RBFOX3: variants seen among roughly 807,000 people sequenced by gnomAD.
The protein encoded by RBFOX3 is RNA binding protein fox-1 homolog 3.
RBFOX3 carries 17 observed loss-of-function variants against 48.7 expected under a neutral mutation model. The ratio of observed to expected loss-of-function variants is 0.35; its 90% CI spans 0.24 to 0.52. The LOEUF (loss-of-function observed/expected upper bound fraction) is 0.52, where lower values mean the gene tolerates loss of function less well. RBFOX3 is among the 20% of genes least tolerant of loss of function. The probability of loss-of-function intolerance (pLI) is 0.94; values close to 1 mark genes in which losing one functional copy is unlikely to be tolerated. For missense variants in RBFOX3, 382 were observed against 497.5 expected, an observed-to-expected ratio of 0.77 and a Z score of 2.21; for synonymous variants, 212 against 209.5, an observed-to-expected ratio of 1.01 and a Z score of -0.10.
chr17:79,361,465 G>A lies in RBFOX3; in HGVS notation c.-174-53641C>T, dbSNP rs1324723761. On this transcript the variant is annotated intron_variant, in intron 2 of 14. Coordinates refer to ENST00000693108, the MANE Select transcript of RBFOX3 (RefSeq NM_001350451.2). This position sits in a 1 kb window ranked among gnomAD's most constrained non-coding sequence, Gnocchi z 4.5. ...TGGCCCTTGGTTACTGGAGTCACCA[G>A]GACCTGCAGCACCTTGCCAACACCC... Among the ~76,000 whole-genome samples, 1 of 152,198 alleles carries A rather than the reference G, an allele frequency of 6.6e-6. No individual in the cohort carries two copies. The highest frequency in any genetic ancestry group is 1.5e-5 in the Non-Finnish European group (1 of 68,032).
the RBFOX3 span, among the ~76,000 whole-genome samples, chr17:79,618,313 G>A: frequency 5.3e-5 from 8 of 152,312 alleles, no homozygotes; most frequent in Admixed American, 2.0e-4. Flanking sequence ...GGGCCCACAG[G>A]TTCTTCCCCG....
the RBFOX3 span, among the ~76,000 whole-genome samples, chr17:79,617,739 C>T: frequency 6.6e-6 from 1 of 152,242 alleles, no homozygotes; most frequent in East Asian, 1.9e-4. Context: ...GAAGTCATCC[C>T]CGCATTTTGA....
At chr17:79,628,158 G>C in the RBFOX3 span, among the ~76,000 whole-genome samples, 1 of 151,798 alleles carries the variant, frequency 6.6e-6, no homozygotes, top group Non-Finnish European at 1.5e-5. Context: ...ACAAACAGGT[G>C]TGCTGATCTA....
intron 2 of RBFOX3, among the ~76,000 whole-genome samples, chr17:79,436,399 T>A (rs2069463885): frequency 6.6e-6 from 1 of 152,114 alleles, no homozygotes; most frequent in South Asian, 2.1e-4. Flanking sequence ...ATGAGTACGG[T>A]TGAAGCAGAG....
intron 4 of RBFOX3, among the ~76,000 whole-genome samples, chr17:79,149,749 A>C (rs1161558125): frequency 6.6e-6 from 1 of 151,042 alleles, no homozygotes; most frequent in Non-Finnish European, 1.5e-5. Context: ...CAGTAAACGG[A>C]CCTGCAGGTC....
At chr17:79,227,290 G>A (rs900501326) in intron 4 of RBFOX3, among the ~76,000 whole-genome samples, 1 of 152,226 alleles carries the variant, frequency 6.6e-6, no homozygotes, top group African/African-American at 2.4e-5. Context: ...ATCCACAGAG[G>A]CAGGTTGGGC....
intron 4 of RBFOX3, among the ~76,000 whole-genome samples, chr17:79,148,602 A>G (rs914056159): frequency 6.6e-6 from 1 of 152,252 alleles, no homozygotes; most frequent in African/African-American, 2.4e-5. Flanking sequence ...TCTTCAACTG[A>G]GGCTAACAGT....
intron 1 of RBFOX3, among the ~76,000 whole-genome samples, chr17:79,518,561 G>A (rs2085590398): frequency 6.6e-6 from 1 of 152,260 alleles, no homozygotes; most frequent in Admixed American, 6.5e-5. Context: ...TGAAGGCTGG[G>A]GGAGCTGGGG....
intron 4 of RBFOX3, among the ~76,000 whole-genome samples, chr17:79,216,143 T>C (rs1422606388): frequency 1.3e-5 from 2 of 152,230 alleles, no homozygotes; most frequent in African/African-American, 2.4e-5. Flanking sequence ...ACAGTTGGGT[T>C]GGTGACCTGG....
intron 4 of RBFOX3, among the ~76,000 whole-genome samples, chr17:79,134,301 G>C (rs2143581953): frequency 6.6e-6 from 1 of 152,380 alleles, no homozygotes; most frequent in South Asian, 2.1e-4. Flanking sequence ...CACCCACCTG[G>C]TGGAATGTGG....
chr17:79,547,739 G>T (rs1254286665), intron 1 of RBFOX3, among the ~76,000 whole-genome samples: 1 of 152,220 alleles, frequency 6.6e-6, no homozygotes, highest in African/African-American at 2.4e-5. Flanking sequence ...GAGCAGGCTG[G>T]GGGAGGACGC....
intron 2 of RBFOX3, among the ~76,000 whole-genome samples, chr17:79,410,480 T>A (rs1227793123): frequency 1.3e-5 from 2 of 152,082 alleles, no homozygotes; most frequent in East Asian, 3.9e-4. Flanking sequence ...AGGGAGTTTA[T>A]CAGGTGGGCC....
chr17:79,171,191 T>C (rs950427026), intron 4 of RBFOX3, among the ~76,000 whole-genome samples: 4 of 152,380 alleles, frequency 2.6e-5, no homozygotes, highest in Non-Finnish European at 4.4e-5. Flanking sequence ...CATGTGTATA[T>C]TGATTAAATG....
At chr17:79,223,291 G>A (rs539975466) in intron 4 of RBFOX3, among the ~76,000 whole-genome samples, 4 of 152,152 alleles carry the variant, frequency 2.6e-5, no homozygotes, top group African/African-American at 4.8e-5. Flanking sequence ...ACACATGCAC[G>A]GATGCCCTGA....
upstream of RBFOX3, among the ~76,000 whole-genome samples, chr17:79,615,418 G>A: frequency 6.6e-6 from 1 of 152,140 alleles, no homozygotes; most frequent in Non-Finnish European, 1.5e-5. Context: ...GATCCACATA[G>A]TGGGAGAGGA....
chr17:79,102,780 C>A (rs954593012), intron 8 of RBFOX3, among the ~76,000 whole-genome samples: 1 of 152,232 alleles, frequency 6.6e-6, no homozygotes, highest in Non-Finnish European at 1.5e-5. Context: ...TTGGGGACAG[C>A]CGCTGCTCCA....
chr17:79,141,984 CG>C (rs1332222646), intron 4 of RBFOX3, among the ~76,000 whole-genome samples: 2 of 152,152 alleles, frequency 1.3e-5, no homozygotes, highest in Non-Finnish European at 2.9e-5. Flanking sequence ...GAGGAGGAGA[CG>C]GGGCGGGGCC....
At chr17:79,467,866 T>A (rs2076522016) in intron 2 of RBFOX3, among the ~76,000 whole-genome samples, 3 of 152,018 alleles carry the variant, frequency 2.0e-5, no homozygotes. Flanking sequence ...CCTCCTCCTC[T>A]GCTTGCCCCC....
At chr17:79,498,573 C>T (rs2081923831) in intron 1 of RBFOX3, among the ~76,000 whole-genome samples, 1 of 150,990 alleles carries the variant, frequency 6.6e-6, no homozygotes, top group Non-Finnish European at 1.5e-5. Flanking sequence ...ACCTATCCTT[C>T]CCCCCACCCC....
Sources: gnomAD v4.1 joint callset for allele counts (sites outside exome capture counted in the v4.1 genomes callset) on GRCh38, gnomAD v4.1.1 for gene constraint, Gnocchi (gnomAD v3.1) non-coding constraint, MANE v1.5 for transcripts, NCBI Gene and HGNC (gene_info 2026-07-23, HGNC 2026-07-21) for gene names.